CLYBL: variants seen among roughly 807,000 people sequenced by gnomAD.
The protein encoded by CLYBL is citramalyl-CoA lyase, mitochondrial.
In CLYBL, 31 loss-of-function variants were observed where a neutral mutation model predicts 38.9. The ratio of observed to expected loss-of-function variants is 0.80; its 90% CI spans 0.60 to 1.08. CLYBL has a LOEUF of 1.08. Among genes scored for constraint, CLYBL ranks in the 50% least tolerant of loss-of-function variants. The pLI is 0.00. For missense variants in CLYBL, 434 were observed against 411.6 expected (o/e 1.05, Z -0.47); for synonymous variants, 171 against 158.6 (o/e 1.08, Z -0.59).
In CLYBL at chr13:99,865,800, AG is replaced by A. The variant is rs1566359681; in HGVS notation, c.635-439del. On this transcript the variant is annotated intron_variant, in intron 5 of 8. Transcript: ENST00000339105. The surrounding 1 kb of genome is among the most constrained non-coding windows in gnomAD (Gnocchi z 4.7). The stretch of plus-strand genomic sequence containing the variant: ...GCTGAAGCATTTGGCTCAGAACTTC[AG>A]TTTGGACAGGGCAATCGCAGCACAC... Among the ~76,000 whole-genome samples the A allele has an allele frequency of 6.6e-6, 1 of 152,156 alleles. No homozygotes were observed. Among genetic ancestry groups the A allele is most frequent in the Admixed American group, 6.5e-5 (1 of 15,284 alleles).
At chr13:99,748,731 G>A (rs1423188564) in intron 1 of CLYBL, among the ~76,000 whole-genome samples, 5 of 151,794 alleles carry the variant, frequency 3.3e-5, no homozygotes, top group African/African-American at 9.7e-5. Context: ...GAGCCACCGC[G>A]CACGGCCTCT....
At chr13:99,854,558 C>T (rs902593685) in intron 2 of CLYBL, among the ~76,000 whole-genome samples, 2 of 151,884 alleles carry the variant, frequency 1.3e-5, no homozygotes, top group South Asian at 2.1e-4. Context: ...CTCCAGATGG[C>T]GAGACTGTGC....
At chr13:99,839,440 T>G (rs944117043) in intron 2 of CLYBL, among the ~76,000 whole-genome samples, 6 of 152,252 alleles carry the variant, frequency 3.9e-5, no homozygotes, top group Admixed American at 3.9e-4. Flanking sequence ...CCAGAGCTCC[T>G]GAGGTAACTA....
intron 1 of CLYBL, among the ~76,000 whole-genome samples, chr13:99,692,073 T>G (rs1436856924): frequency 6.6e-6 from 1 of 152,182 alleles, no homozygotes; most frequent in Non-Finnish European, 1.5e-5. Flanking sequence ...AAGTGAACAG[T>G]AAATCCAGTG....
At chr13:99,819,697 A>C (rs2050548793) in intron 2 of CLYBL, among the ~76,000 whole-genome samples, 1 of 151,760 alleles carries the variant, frequency 6.6e-6, no homozygotes, top group Non-Finnish European at 1.5e-5. Context: ...AAGGCCCCGC[A>C]GCCAGGAGCT....
At position 99,876,658 on chromosome 13, in the gene CLYBL, C is replaced by G. The variant is rs111413362; in HGVS notation, c.927+5596C>G. 2.7e-3 allele frequency among the ~76,000 whole-genome samples: 415 copies of G among 152,212 alleles called. 2 individuals are homozygous for G. Among genetic ancestry groups the G allele is most frequent in the Middle Eastern group, 0.024 (7 of 294 alleles). ...TTAGTCAGATGCCTTCAGTTTATGA[C>G]TTAATGCACAGAAACCCAGCAAGGC... is the stretch of plus-strand genomic sequence containing the variant. On this transcript the variant is annotated intron_variant, in intron 7 of 8. Transcript: ENST00000339105.
chr13:99,653,228 T>C (rs902781526), intron 1 of CLYBL, among the ~76,000 whole-genome samples: 10 of 152,186 alleles, frequency 6.6e-5, no homozygotes, highest in Admixed American at 5.9e-4. Flanking sequence ...GATGTTGTTT[T>C]CTAAGCACTA....
chr13:99,701,544 C>G (rs929811418), intron 1 of CLYBL, among the ~76,000 whole-genome samples: 103 of 152,308 alleles, frequency 6.8e-4, no homozygotes, highest in African/African-American at 2.4e-3. Context: ...ATCTCCTGAC[C>G]TCGTGATCTG....
At chr13:99,647,120 G>T (rs557223754) in intron 1 of CLYBL, among the ~76,000 whole-genome samples, 4 of 152,290 alleles carry the variant, frequency 2.6e-5, no homozygotes, top group South Asian at 2.1e-4. Flanking sequence ...CACACCTAAG[G>T]GGGGCTGGGT....
At chr13:99,630,967 T>C (rs2046935642) in intron 1 of CLYBL, among the ~76,000 whole-genome samples, 1 of 152,200 alleles carries the variant, frequency 6.6e-6, no homozygotes, top group African/African-American at 2.4e-5. Context: ...CACTACACTT[T>C]AGCCACCTAC....
At chr13:99,656,011 C>G (rs777763231) in intron 1 of CLYBL, among the ~76,000 whole-genome samples, 12 of 152,198 alleles carry the variant, frequency 7.9e-5, no homozygotes, top group Non-Finnish European at 1.0e-4. Context: ...TTTAAGCCTT[C>G]CTGCACAGCT....
intron 1 of CLYBL, among the ~76,000 whole-genome samples, chr13:99,638,275 T>C (rs1258958212): frequency 6.6e-6 from 1 of 152,236 alleles, no homozygotes; most frequent in Non-Finnish European, 1.5e-5. Context: ...GCTATTAAAC[T>C]ACACCTGTTA....
At chr13:99,685,821 G>T (rs903056136) in intron 1 of CLYBL, among the ~76,000 whole-genome samples, 14 of 152,142 alleles carry the variant, frequency 9.2e-5, no homozygotes, top group Admixed American at 8.5e-4. Context: ...AATTAGCTGG[G>T]TTTGGTGGTG....
At chr13:99,692,437 A>G (rs1417149805) in intron 1 of CLYBL, among the ~76,000 whole-genome samples, 2 of 151,764 alleles carry the variant, frequency 1.3e-5, no homozygotes, top group African/African-American at 2.4e-5. Context: ...GACTACAGGC[A>G]CCCGCCATCA....
intron 1 of CLYBL, among the ~76,000 whole-genome samples, chr13:99,621,511 G>C (rs2046796573): frequency 6.6e-6 from 1 of 152,172 alleles, no homozygotes; most frequent in African/African-American, 2.4e-5. Flanking sequence ...AGTGGTCTTT[G>C]ATGCCTCCTC....
At chr13:99,904,971 C>T (rs2052680229) in intron 8 of CLYBL, among the ~76,000 whole-genome samples, 1 of 152,160 alleles carries the variant, frequency 6.6e-6, no homozygotes, top group South Asian at 2.1e-4. Flanking sequence ...CCTGCCTCCC[C>T]CAGAACAGTA....
chr13:99,636,662 A>G (rs1208980392), intron 1 of CLYBL, among the ~76,000 whole-genome samples: 1 of 152,190 alleles, frequency 6.6e-6, no homozygotes, highest in Non-Finnish European at 1.5e-5. Flanking sequence ...GGTTTAAAGT[A>G]AGACATTTCA....
At chr13:99,797,556 C>CTCTGTG (rs775220789) in intron 2 of CLYBL, among the ~76,000 whole-genome samples, 6 of 37,484 alleles carry the variant, frequency 1.6e-4, no homozygotes, top group South Asian at 8.6e-4. Flanking sequence ...GCCATGTTAG[C>CTCTGTG]TGTTTGTGTG....
Position 99,865,307 on chromosome 13 carries a change from C to T in CLYBL, c.634+396C>T. The T allele has an allele frequency of 3.8e-6, 1 of 260,358 alleles. No homozygotes were observed. 16.1% of individuals were successfully genotyped at this position (260,358 alleles called of 1,614,324 possible). The stretch of plus-strand genomic sequence containing the variant: ...CTAGATTTCTAACGCAAATTTAAGG[C>T]AATTTCACATTTGCCTTAATGAATT... On this transcript the variant is annotated intron_variant, in intron 5 of 8. Transcript: ENST00000339105. The surrounding 1 kb of genome is among the most constrained non-coding windows in gnomAD (Gnocchi z 4.7).
Sources: gnomAD v4.1 joint callset for allele counts (sites outside exome capture counted in the v4.1 genomes callset) on GRCh38, gnomAD v4.1.1 for gene constraint, Gnocchi (gnomAD v3.1) non-coding constraint, MANE v1.5 for transcripts, NCBI Gene and HGNC (gene_info 2026-07-23, HGNC 2026-07-21) for gene names.